Variants in LINGO2 observed in about 807,000 individuals in gnomAD.
The protein encoded by LINGO2 is leucine-rich repeat and immunoglobulin-like domain-containing nogo receptor-interacting protein 2.
Under a neutral mutation model 30.6 loss-of-function variants are expected in LINGO2, and 14 were observed. The ratio of observed to expected loss-of-function variants is 0.46; its 90% CI spans 0.30 to 0.72. The LOEUF (loss-of-function observed/expected upper bound fraction) is 0.72, where lower values mean the gene tolerates loss of function less well. Ranked by LOEUF, LINGO2 falls within the 30% of genes least tolerant of loss-of-function variation. The probability of loss-of-function intolerance (pLI) is 0.07; values close to 1 mark genes in which losing one functional copy is unlikely to be tolerated. For missense variants in LINGO2, 729 were observed against 751.7 expected (o/e 0.97, Z 0.35); for synonymous variants, 317 against 288.5 (o/e 1.10, Z -1.00).
chr9:28,356,577 G>C (rs551055976), intron 3 of LINGO2, among the ~76,000 whole-genome samples: 14 of 152,226 alleles, frequency 9.2e-5, no homozygotes, highest in Non-Finnish European at 1.5e-5. Flanking sequence ...AAAAATTTTA[G>C]GTTAGATAAG....
Position 28,412,150 on chromosome 9 carries a change from T to C in LINGO2, c.-278-39282A>G, listed in dbSNP as rs543759484. On this transcript the variant is annotated intron_variant, in intron 2 of 5. Coordinates refer to ENST00000379992, the Ensembl canonical transcript of LINGO2. ...ACTACATTATACTACTTTGTCTGCC[T>C]TTGCATACTCATAGCTTAGCTCCCA... is the stretch of plus-strand genomic sequence containing the variant. Among the ~76,000 whole-genome samples, 4 of 150,534 alleles carry C rather than the reference T, an allele frequency of 2.7e-5. No individual in the cohort carries two copies. In the South Asian group the frequency reaches 6.3e-4, roughly 24 times the overall value.
At chr9:28,379,432 C>T (rs1665008141) in intron 2 of LINGO2, among the ~76,000 whole-genome samples, 1 of 151,980 alleles carries the variant, frequency 6.6e-6, no homozygotes, top group Non-Finnish European at 1.5e-5. Flanking sequence ...AAATCAGAAG[C>T]CCAGGATTTA....
chr9:28,859,388 C>T, the LINGO2 span, among the ~76,000 whole-genome samples: 1 of 152,008 alleles, frequency 6.6e-6, no homozygotes, highest in South Asian at 2.1e-4. Flanking sequence ...AATTAGTACG[C>T]AGCTAATATC....
the LINGO2 span, among the ~76,000 whole-genome samples, chr9:28,701,021 G>A: frequency 6.6e-6 from 1 of 151,886 alleles, no homozygotes; most frequent in Admixed American, 6.6e-5. Context: ...TTTTACTGTT[G>A]ACTTTTAAGC....
the LINGO2 span, among the ~76,000 whole-genome samples, chr9:28,677,431 T>G: frequency 1.3e-5 from 2 of 152,252 alleles, no homozygotes; most frequent in Non-Finnish European, 2.9e-5. Flanking sequence ...CTCACAATAT[T>G]GGTAGAGCAT....
chr9:28,435,444 C>A (rs1451020124), intron 2 of LINGO2, among the ~76,000 whole-genome samples: 1 of 152,064 alleles, frequency 6.6e-6, no homozygotes, highest in African/African-American at 2.4e-5. Flanking sequence ...ATTTCTAGGA[C>A]AAAAACATGC....
chr9:28,898,111 A>T, the LINGO2 span, among the ~76,000 whole-genome samples: 1,395 of 152,242 alleles, frequency 9.2e-3, 21 homozygotes, highest in African/African-American at 0.032. Flanking sequence ...ATACCATTAT[A>T]CTACTCTGAA....
the LINGO2 span, among the ~76,000 whole-genome samples, chr9:28,844,857 T>G: frequency 6.6e-6 from 1 of 151,924 alleles, no homozygotes; most frequent in South Asian, 2.1e-4. Context: ...TTATAAGCAC[T>G]TCAAGGCTGG....
At chr9:28,638,669 C>T (rs543354907) in intron 1 of LINGO2, among the ~76,000 whole-genome samples, 1 of 152,050 alleles carries the variant, frequency 6.6e-6, no homozygotes, top group South Asian at 2.1e-4. Flanking sequence ...GGTGATATCC[C>T]CTTTATCATT....
At chr9:28,082,674 C>T (rs1322848081) in intron 4 of LINGO2, among the ~76,000 whole-genome samples, 3 of 152,092 alleles carry the variant, frequency 2.0e-5, no homozygotes, top group African/African-American at 7.2e-5. Flanking sequence ...TTAAAAACTA[C>T]GTTCTATTCT....
chr9:28,506,523 A>T (rs1244454181), intron 1 of LINGO2, among the ~76,000 whole-genome samples: 12 of 23,556 alleles, frequency 5.1e-4, no homozygotes, highest in East Asian at 1.1e-3. Flanking sequence ...TATATATATA[A>T]ACTGTTGGGG....
chr9:28,677,289 G>T, the LINGO2 span, among the ~76,000 whole-genome samples: 1 of 152,130 alleles, frequency 6.6e-6, no homozygotes, highest in African/African-American at 2.4e-5. Flanking sequence ...TAACAATTGT[G>T]CGGACATGTT....
chr9:28,809,471 C>T, the LINGO2 span, among the ~76,000 whole-genome samples: 4 of 152,170 alleles, frequency 2.6e-5, no homozygotes, highest in African/African-American at 4.8e-5. Context: ...GATGGCTGGG[C>T]GTGGTGGCTC....
At chr9:29,066,538 C>A in the LINGO2 span, among the ~76,000 whole-genome samples, 22 of 151,788 alleles carry the variant, frequency 1.4e-4, 1 homozygote, top group African/African-American at 4.8e-4. Context: ...CAGTTAATAT[C>A]CCTGAATCAT....
intron 1 of LINGO2, among the ~76,000 whole-genome samples, chr9:28,479,845 CTGTGTG>C (rs528584169): frequency 0.019 from 1,132 of 60,146 alleles, 25 homozygotes; most frequent in African/African-American, 0.056. Context: ...ACCATGTCAT[CTGTGTG>C]TGTGTGTGTG....
At chr9:28,921,812 C>T in the LINGO2 span, among the ~76,000 whole-genome samples, 1 of 152,166 alleles carries the variant, frequency 6.6e-6, no homozygotes, top group Admixed American at 6.5e-5. Context: ...TTACCTCTGA[C>T]TTCAAGTTAG....
intron 4 of LINGO2, among the ~76,000 whole-genome samples, chr9:28,052,552 C>T (rs1185522121): frequency 6.6e-6 from 1 of 152,018 alleles, no homozygotes; most frequent in Non-Finnish European, 1.5e-5. Flanking sequence ...ACAGCCCAAG[C>T]CAGTCCTTTA....
Position 28,130,895 on chromosome 9 carries a change from T to A in LINGO2, c.-86-118490A>T, listed in dbSNP as rs1158589401. Among the ~76,000 whole-genome samples, 1 of 152,144 alleles carries A rather than the reference T, an allele frequency of 6.6e-6. No homozygotes were observed. Among genetic ancestry groups the A allele is most frequent in the East Asian group, 1.9e-4 (1 of 5,188 alleles). Reference sequence around the variant, plus strand: ...GCCTTTCAAAATAGGGCCTCACATCTATATTTGTTTCAGTTTTCTGTCTCC... The same window carrying A: ...GCCTTTCAAAATAGGGCCTCACATCAATATTTGTTTCAGTTTTCTGTCTCC... On this transcript the variant is annotated intron_variant, in intron 4 of 5. Coordinates refer to ENST00000379992, the Ensembl canonical transcript of LINGO2. This position sits in a 1 kb window ranked among gnomAD's most constrained non-coding sequence, Gnocchi z 5.2.
chr9:28,299,448 A>AT (rs60499003), intron 3 of LINGO2, among the ~76,000 whole-genome samples: 22,863 of 150,682 alleles, frequency 0.15, 2,226 homozygotes, highest in Non-Finnish European at 0.22. Context: ...ATTGCTTCTA[A>AT]TTTTTTTTTT....
Sources: allele counts gnomAD v4.1 joint callset (sites outside exome capture counted in the v4.1 genomes callset), GRCh38; gene constraint gnomAD v4.1.1; non-coding constraint Gnocchi (gnomAD v3.1); transcripts MANE v1.5; gene names NCBI Gene and HGNC (gene_info 2026-07-23, HGNC 2026-07-21).